The following ARHGAP5 variants were observed in gnomAD, a reference collection of about 807,000 sequenced individuals.
The protein encoded by ARHGAP5 is rho GTPase-activating protein 5.
In ARHGAP5, 23 loss-of-function variants were observed where a neutral mutation model predicts 116.6. That is an observed-to-expected ratio of 0.20 (90% CI 0.14 to 0.28). The LOEUF is 0.28. ARHGAP5 is among the 10% of genes least tolerant of loss of function. ARHGAP5 has a pLI of 1.00. For synonymous variants in ARHGAP5, 574 were observed against 602.0 expected (o/e 0.95, Z 0.68); for missense variants, 1,405 against 1,774.8 (o/e 0.79, Z 3.74).
intron 6 of ARHGAP5, 73 bp downstream of exon 6, chr14:32,152,601 T>TTG: frequency 1.2e-6 from 1 of 815,536 alleles, no homozygotes; most frequent in Non-Finnish European, 1.9e-6. Flanking sequence ...ATTTTATAAA[T>TTG]TGGATAATTA....
intron 3 of ARHGAP5, among the ~76,000 whole-genome samples, chr14:32,124,865 A>G (rs2139086922): frequency 6.6e-6 from 1 of 152,306 alleles, no homozygotes; most frequent in Middle Eastern, 3.4e-3. Flanking sequence ...GTAGACATCT[A>G]GGGTGGTAGG....
rs1244035278 is a variant in ARHGAP5 at position 32,118,097 on chromosome 14, A to G, written c.3865+810A>G. On this transcript the variant is annotated intron_variant, in intron 3 of 6. Coordinates refer to ENST00000345122, the MANE Select transcript of ARHGAP5 (RefSeq NM_001030055.2). ...AAAGTAGGATACTCTTGTTCTCGCTAAAAAATCATGCTCATTTTTCACATG... is the reference window on the plus strand; with the variant it reads ...AAAGTAGGATACTCTTGTTCTCGCTGAAAAATCATGCTCATTTTTCACATG... 4.6e-5 allele frequency among the ~76,000 whole-genome samples: 7 copies of G among 152,324 alleles called. No individual in the cohort carries two copies. The South Asian group carries it at 1.2e-3, about 27-fold the overall frequency.
rs1368721464 is a variant in ARHGAP5 at position 32,157,002 on chromosome 14, T to C, written c.*2054T>C. Reference sequence around the variant, plus strand: ...CTTTTATACTGTATTAATTTAATGTTCATCTGCGTTTAGTACCATTTTTGT... The same window carrying C: ...CTTTTATACTGTATTAATTTAATGTCCATCTGCGTTTAGTACCATTTTTGT... On this transcript the variant is annotated 3_prime_UTR_variant, in exon 7 of 7. Transcript: ENST00000345122. 2 of 152,378 alleles carry C rather than the reference T, an allele frequency of 1.3e-5. No homozygotes were observed. The highest frequency in any genetic ancestry group is 1.9e-4 in the East Asian group (1 of 5,204). The allele number at this position is 152,378 out of a possible 1,614,324, so 9.4% of individuals were successfully genotyped here.
At chr14:32,137,971 C>CA (rs570604721) in intron 3 of ARHGAP5, among the ~76,000 whole-genome samples, 16,868 of 79,008 alleles carry the variant, frequency 0.21, 1,345 homozygotes, top group Middle Eastern at 0.34. Context: ...GGCTTCGTCT[C>CA]AAAAAAAAAA....
Position 32,091,146 on chromosome 14 carries a change from T to C in ARHGAP5, c.477T>C (p.Phe159=), listed in dbSNP as rs1878220717. Residue 159 remains phenylalanine (F), a synonymous_variant, in exon 2 of 7, where the codon TTT becomes TTC. Transcript: ENST00000345122. ...AAGGGAAGCTCAACGTAGATGGATT[T>C]TTATTATGCATTGATGTAAGTCAAG... ...MPEGKLNVDG[F]LLCIDVSQGC... is the part of the protein sequence containing the mutation. 1 of 1,613,552 alleles carries C rather than the reference T, an allele frequency of 6.2e-7. No individual in the cohort carries two copies. The highest frequency in any genetic ancestry group is 1.3e-5 in the African/African-American group (1 of 74,908).
rs570964775 is a variant in ARHGAP5, at chr14:32,134,608, A to G, written c.3866-11655A>G. Among the ~76,000 whole-genome samples, 193 of 152,344 alleles carry G rather than the reference A, an allele frequency of 1.3e-3. 1 individual carries two copies. Among genetic ancestry groups the G allele is most frequent in the African/African-American group, 4.4e-3 (184 of 41,574 alleles). ...TTTTAAAACTCAAAATAGCCGGCCT[A>G]TTGAACTATACAGTATCAGGGACAA... On this transcript the variant is annotated intron_variant, in intron 3 of 6. Transcript: ENST00000345122.
chr14:32,145,359 C>CTG (rs1566683939), intron 3 of ARHGAP5, among the ~76,000 whole-genome samples: 1 of 152,248 alleles, frequency 6.6e-6, no homozygotes, highest in African/African-American at 2.4e-5. Flanking sequence ...ACTCCATGCT[C>CTG]TGTGGCTTGA....
At chr14:32,121,427 GT>G (rs1438752600) in intron 3 of ARHGAP5, among the ~76,000 whole-genome samples, 1 of 152,018 alleles carries the variant, frequency 6.6e-6, no homozygotes, top group Non-Finnish European at 1.5e-5. Context: ...ACTTTAATGT[GT>G]TTTATAAGAA....
intron 2 of ARHGAP5, among the ~76,000 whole-genome samples, chr14:32,112,197 G>C (rs371802715): frequency 6.6e-6 from 1 of 152,142 alleles, no homozygotes; most frequent in Non-Finnish European, 1.5e-5. Context: ...GGTTCTTTGA[G>C]AGCCTAGTAA....
intron 3 of ARHGAP5, among the ~76,000 whole-genome samples, chr14:32,140,156 T>C (rs529113368): frequency 1.4e-5 from 2 of 141,798 alleles, no homozygotes; most frequent in Non-Finnish European, 3.1e-5. Context: ...TTAGGGTACA[T>C]CTGCACATTG....
intron 1 of ARHGAP5, 90 bp downstream of exon 1, chr14:32,077,525 G>A: frequency 1.6e-6 from 1 of 640,518 alleles, no homozygotes; most frequent in Non-Finnish European, 2.8e-6. Context: ...CTCGGTCGCC[G>A]CTGCCGGTTG....
At chr14:32,144,977 T>C (rs957584631) in intron 3 of ARHGAP5, among the ~76,000 whole-genome samples, 5 of 152,254 alleles carry the variant, frequency 3.3e-5, no homozygotes, top group African/African-American at 1.2e-4. Context: ...ACATTTTTCT[T>C]GGTTTTTGAT....
chr14:32,145,569 T>C (rs1881334384), intron 3 of ARHGAP5, among the ~76,000 whole-genome samples: 1 of 152,144 alleles, frequency 6.6e-6, no homozygotes, highest in Non-Finnish European at 1.5e-5. Context: ...AGTCATGATA[T>C]GAGCCTCTGC....
At chr14:32,078,123 C>T (rs758066499) in intron 1 of ARHGAP5, 6 of 146,742 alleles carry the variant, frequency 4.1e-5, no homozygotes, top group African/African-American at 7.6e-5. Flanking sequence ...CCTCCAGATT[C>T]TTCCTCTCTT....
intron 2 of ARHGAP5, among the ~76,000 whole-genome samples, chr14:32,097,105 T>C (rs780370315): frequency 5.9e-5 from 9 of 152,236 alleles, no homozygotes; most frequent in Non-Finnish European, 1.2e-4. Flanking sequence ...GTTTGAATAC[T>C]GGATGCTGAC....
At chr14:32,125,230 A>T (rs1880086074) in intron 3 of ARHGAP5, among the ~76,000 whole-genome samples, 1 of 152,178 alleles carries the variant, frequency 6.6e-6, no homozygotes, top group African/African-American at 2.4e-5. Flanking sequence ...GAATTTACTA[A>T]TTCTGGATAT....
At chr14:32,103,206 AGT>A (rs377671399) in intron 2 of ARHGAP5, among the ~76,000 whole-genome samples, 6 of 152,210 alleles carry the variant, frequency 3.9e-5, no homozygotes, top group African/African-American at 1.4e-4. Context: ...TGATAACATA[AGT>A]GTGGATATGT....
Position 32,093,162 on chromosome 14 carries a change from C to T in ARHGAP5, c.2493C>T (p.Ile831=). The change falls in exon 2 of 7, where the codon ATC becomes ATT. Residue 831 remains isoleucine, a synonymous_variant. Coordinates refer to ENST00000345122, the MANE Select transcript of ARHGAP5 (RefSeq NM_001030055.2). ...GTGAAAAAAGGAGGCGAATACAGATCACAATATTATCATACCACTCTTCAA... is the reference window on the plus strand; with the variant it reads ...GTGAAAAAAGGAGGCGAATACAGATTACAATATTATCATACCACTCTTCAA... ...IIGEKRRRIQ[I]TILSYHSSIG... The T allele has an allele frequency of 1.9e-6, 3 of 1,613,922 alleles. No homozygotes were observed. The highest frequency in any genetic ancestry group is 2.5e-6 in the Non-Finnish European group (3 of 1,179,920).
intron 3 of ARHGAP5, among the ~76,000 whole-genome samples, chr14:32,124,206 T>C (rs1594373491): frequency 6.6e-6 from 1 of 152,150 alleles, no homozygotes; most frequent in Non-Finnish European, 1.5e-5. Flanking sequence ...CTTGCCTCAT[T>C]TGCTGCTTTT....
Sources: allele counts gnomAD v4.1 joint callset (sites outside exome capture counted in the v4.1 genomes callset), GRCh38; gene constraint gnomAD v4.1.1; transcripts MANE v1.5; gene names NCBI Gene and HGNC (gene_info 2026-07-23, HGNC 2026-07-21).